The following ZZEF1 variants were observed in gnomAD, a reference collection of about 807,000 sequenced individuals.
ZZEF1 encodes zinc finger ZZ-type and EF-hand domain-containing protein 1.
A neutral mutation model predicts 342.8 loss-of-function variants in ZZEF1; 157 were observed. That is an observed-to-expected ratio of 0.46 (90% CI 0.40 to 0.52). ZZEF1 has a LOEUF of 0.52. Among genes scored for constraint, ZZEF1 ranks in the 20% least tolerant of loss-of-function variants. The pLI is 0.00. For synonymous variants in ZZEF1, 1,505 were observed against 1,429.1 expected, an observed-to-expected ratio of 1.05 and a Z score of -1.20; for missense variants, 3,480 against 3,725.6, an observed-to-expected ratio of 0.93 and a Z score of 1.72.
chr17:4,079,263 A>G (rs2145319700), intron 18 of ZZEF1, among the ~76,000 whole-genome samples: 1 of 152,348 alleles, frequency 6.6e-6, no homozygotes, highest in South Asian at 2.1e-4. Flanking sequence ...TATGAGAACC[A>G]GGTGAGAACG....
chr17:4,048,696 C>G (rs941293825), intron 37 of ZZEF1, among the ~76,000 whole-genome samples: 8 of 152,030 alleles, frequency 5.3e-5, no homozygotes, highest in African/African-American at 1.9e-4. Context: ...CAGTGTACAC[C>G]ATGGGCTAGG....
At chr17:4,033,195 TAC>T in intron 40 of ZZEF1, 193 bp from the exon 41 acceptor site, 1 of 552,204 alleles carries the variant, frequency 1.8e-6, no homozygotes, top group Non-Finnish European at 3.1e-6. Flanking sequence ...GTTACTTACA[TAC>T]TCACCCTACG....
At chr17:4,128,841 G>A (rs565379593) in intron 1 of ZZEF1, among the ~76,000 whole-genome samples, 6 of 141,308 alleles carry the variant, frequency 4.2e-5, no homozygotes, top group Non-Finnish European at 7.6e-5. Context: ...GTGGGATCTC[G>A]GCTTACTGCA....
chr17:4,142,442 G>GCCAGGCC, intron 1 of ZZEF1, 100 bp downstream of exon 1: 1 of 1,269,428 alleles, frequency 7.9e-7, no homozygotes. Flanking sequence ...CCTCATATGG[G>GCCAGGCC]TCCCCGCCTG....
chr17:4,104,541 G>A, intron 8 of ZZEF1, 92 bp downstream of exon 8: 1 of 1,393,986 alleles, frequency 7.2e-7, no homozygotes, highest in South Asian at 1.3e-5. Flanking sequence ...CCAAAAAGAT[G>A]AGAAGATACC....
In ZZEF1 at chr17:4,008,808, C is replaced by T; in HGVS notation, c.8805+75G>A. 6.5e-7 allele frequency: 1 copy of T among 1,531,572 alleles called. No homozygotes were observed. Among genetic ancestry groups the T allele is most frequent in the Non-Finnish European group, 8.8e-7 (1 of 1,141,588 alleles). The allele number at this position is 1,531,572 out of a possible 1,614,324, so 94.9% of individuals were successfully genotyped here. On this transcript the variant is annotated intron_variant, in intron 54 of 54. Transcript: ENST00000381638. This position sits in a 1 kb window ranked among gnomAD's most constrained non-coding sequence, Gnocchi z 4.2. Reference sequence around the variant, plus strand: ...GTCCTACTCAGACGCAATGTACAGACCTTCTCTGCCCTGGCAATGGTGAGA... The same window carrying T: ...GTCCTACTCAGACGCAATGTACAGATCTTCTCTGCCCTGGCAATGGTGAGA...
rs546983806 is a variant in ZZEF1 at position 4,039,093 on chromosome 17, C to G, written c.6306+3336G>C. On this transcript the variant is annotated intron_variant, in intron 39 of 54. Transcript: ENST00000381638. ...AACCTCAGTGGTGATTTTAAAAAGTCAACTTAATGAAATCTCTCAGAACAA... is the reference window on the plus strand; with the variant it reads ...AACCTCAGTGGTGATTTTAAAAAGTGAACTTAATGAAATCTCTCAGAACAA... 2.6e-5 allele frequency among the ~76,000 whole-genome samples: 4 copies of G among 151,838 alleles called. No homozygotes were observed. In the South Asian group the frequency reaches 8.3e-4, roughly 32 times the overall value.
rs747539432 is a variant in ZZEF1, at chr17:4,070,718, G to A, written c.4041C>T (p.Arg1347=). ...GCAGCTTCTCATATAAATCTGGAGT[G>A]CGATACACCAGAGCAGCAAAGGTGG... ...VNATFAALVY[R]TPDLYEKLQK... is the part of the protein sequence containing the mutation. The change falls in exon 26 of 55, where the codon CGC becomes CGT. Residue 1347 remains arginine, a synonymous_variant. Transcript: ENST00000381638. 9 of 1,614,086 alleles carry A rather than the reference G, an allele frequency of 5.6e-6. No individual in the cohort carries two copies. The South Asian group carries it at 6.6e-5, about 12-fold the overall frequency.
In ZZEF1 at chr17:4,034,270, T is replaced by A. The variant is rs1321355002; in HGVS notation, c.6329A>T (p.Asp2110Val). 1 of 1,614,170 alleles carries A rather than the reference T, an allele frequency of 6.2e-7. No homozygotes were observed. The highest frequency in any genetic ancestry group is 1.7e-5 in the Admixed American group (1 of 60,010). Residue 2110 changes from aspartate (D) to valine (V), a missense_variant, in exon 40 of 55, where the codon GAC becomes GTC. Transcript: ENST00000381638. ...LKSGPTVPLI[D>V]LEHVLPLMFQ... ...CATGAGTGGAAGGACGTGCTCCAGG[T>A]CTATCAGGGGAACCGTGGGGCCCTG...
Position 4,102,415 on chromosome 17 carries a change from C to A in ZZEF1, c.1574G>T (p.Gly525Val). 1.2e-6 allele frequency: 2 copies of A among 1,613,062 alleles called. No individual in the cohort carries two copies. Among genetic ancestry groups the A allele is most frequent in the Non-Finnish European group, 1.7e-6 (2 of 1,179,318 alleles). The change falls in exon 9 of 55, where the codon GGT (glycine) becomes GTT (valine). Residue 525 changes from glycine to valine, a missense_variant and splice_region_variant. By Grantham distance (109) the Gly-to-Val change is moderately radical (BLOSUM62 -3). Coordinates refer to ENST00000381638, the MANE Select transcript of ZZEF1 (RefSeq NM_015113.4). ...CTGAAGAGTCAACTGGAGAGGTTTA[C>A]CTGACCAAAGAAAAGGAAGACCAAG... Reference protein sequence around the residue: ...SVRQNLLLKYGKPLQLTLQAC... With the variant: ...SVRQNLLLKYVKPLQLTLQAC...
rs533754714 is a variant in ZZEF1, at chr17:4,060,053, A to G, written c.4884-763T>C. On this transcript the variant is annotated intron_variant, in intron 30 of 54. Transcript: ENST00000381638. ...AGCTTAGATTCCATGGCCCATAATC[A>G]TACCTTAGCAAACACTAACTCCCGT... Among the ~76,000 whole-genome samples the G allele has an allele frequency of 3.3e-5, 5 of 152,316 alleles. No individual in the cohort carries two copies. The South Asian group carries it at 1.0e-3, about 32-fold the overall frequency.
At chr17:4,088,289 C>T (rs565144955) in intron 13 of ZZEF1, among the ~76,000 whole-genome samples, 1 of 152,292 alleles carries the variant, frequency 6.6e-6, no homozygotes, top group East Asian at 1.9e-4. Flanking sequence ...CCATTATTTT[C>T]GTATTTTCAG....
At chr17:4,119,748 G>A (rs968469003) in intron 2 of ZZEF1, among the ~76,000 whole-genome samples, 2 of 152,166 alleles carry the variant, frequency 1.3e-5, no homozygotes, top group Non-Finnish European at 2.9e-5. Context: ...CAGAATCCCT[G>A]AGCTCATCCT....
chr17:4,006,730 G>C lies in ZZEF1; in HGVS notation c.*160C>G. On this transcript the variant is annotated 3_prime_UTR_variant, in exon 55 of 55. Transcript: ENST00000381638. ...CTGTGCTTGTGTCCAGCCTACGCAC[G>C]GGAGCTCTTGGAGACGTGGCTGCTT... 1.4e-6 allele frequency: 1 copy of C among 734,038 alleles called. No individual in the cohort carries two copies. Among genetic ancestry groups the C allele is most frequent in the Non-Finnish European group, 2.4e-6 (1 of 415,108 alleles). The allele number at this position is 734,038 out of a possible 1,614,324, so 45.5% of individuals were successfully genotyped here.
At chr17:4,123,742 C>G (rs11078481) in intron 2 of ZZEF1, among the ~76,000 whole-genome samples, 165 bp downstream of exon 2, 115,703 of 152,030 alleles carry the variant, frequency 0.76, 46,331 homozygotes, top group East Asian at 1. Flanking sequence ...CACCACCGTA[C>G]TGGGGATGAA....
chr17:4,067,054 C>T, intron 27 of ZZEF1, 109 bp downstream of exon 27: 1 of 921,406 alleles, frequency 1.1e-6, no homozygotes, highest in Non-Finnish European at 1.6e-6. Context: ...TTTAGCTTAA[C>T]AAAAATCCTA....
rs751432410 is a variant in ZZEF1 at position 4,082,468 on chromosome 17, G to A, written c.2683C>T (p.Leu895Phe). 1 of 1,614,050 alleles carries A rather than the reference G, an allele frequency of 6.2e-7. No homozygotes were observed. Among genetic ancestry groups the A allele is most frequent in the Admixed American group, 1.7e-5 (1 of 60,012 alleles). Residue 895 changes from leucine (L) to phenylalanine (F), a missense_variant, in exon 17 of 55, where the codon CTC becomes TTC. Leu to Phe is a conservative substitution (Grantham distance 22, BLOSUM62 0). Around this residue, in one of 5 missense-constraint regions of ZZEF1, gnomAD observed 1,528 missense variants for 1,624.1 expected, o/e 0.94. Coordinates refer to ENST00000381638, the MANE Select transcript of ZZEF1 (RefSeq NM_015113.4). ...TEQEHKQSLQ[L>F]TFRSLCTYFS... is the part of the protein sequence containing the mutation. Reference sequence around the variant, plus strand: ...TACGTGCACAGTGAACGGAAAGTGAGCTGCAGGGACTGCTTGTGCTCCTGC... The same window carrying A: ...TACGTGCACAGTGAACGGAAAGTGAACTGCAGGGACTGCTTGTGCTCCTGC...
chr17:4,047,995 A>T (rs929315980), intron 37 of ZZEF1, among the ~76,000 whole-genome samples: 6 of 152,002 alleles, frequency 3.9e-5, no homozygotes, highest in East Asian at 1.9e-4. Flanking sequence ...AAAAACCCAT[A>T]AAAAAACCCT....
In ZZEF1 at chr17:4,064,569, G is replaced by A; in HGVS notation, c.4510C>T (p.Pro1504Ser). 6.2e-7 allele frequency: 1 copy of A among 1,614,190 alleles called. No homozygotes were observed. The highest frequency in any genetic ancestry group is 8.5e-7 in the Non-Finnish European group (1 of 1,180,034). ...QPKLPSSSGL[P>S]AADVSPATAE... ...GTGGCAGGGGACACGTCTGCAGCAG[G>A]AAGGCCACTGCTGGATGGCAGCTTT... Residue 1504 changes from proline (P) to serine (S), a missense_variant, in exon 29 of 55, where the codon CCT (proline) becomes TCT (serine). Coordinates refer to ENST00000381638, the MANE Select transcript of ZZEF1 (RefSeq NM_015113.4).
Sources: gnomAD v4.1 joint callset for allele counts (sites outside exome capture counted in the v4.1 genomes callset) on GRCh38, gnomAD v4.1.1 for gene constraint, gnomAD v4.1.1 regional missense constraint, Gnocchi (gnomAD v3.1) non-coding constraint, MANE v1.5 for transcripts, NCBI Gene and HGNC (gene_info 2026-07-23, HGNC 2026-07-21) for gene names.